The following FGFR1OP2 variants were observed in gnomAD, a reference collection of about 807,000 sequenced individuals.
FGFR1OP2 encodes the protein FGFR1 oncogene partner 2.
A neutral mutation model predicts 35.2 loss-of-function variants in FGFR1OP2; 17 were observed. That is an observed-to-expected ratio of 0.48 (90% CI 0.33 to 0.73). The LOEUF is 0.73. Ranked by LOEUF, FGFR1OP2 falls within the 30% of genes least tolerant of loss-of-function variation. The probability of loss-of-function intolerance (pLI) is 0.02; values close to 1 mark genes in which losing one functional copy is unlikely to be tolerated. For missense variants in FGFR1OP2, 251 were observed against 307.3 expected (o/e 0.82, Z 1.37); for synonymous variants, 105 against 104.6 (o/e 1.00, Z -0.03).
intron 6 of FGFR1OP2, 33 bp downstream of exon 6, chr12:26,963,488 T>A: frequency 7.2e-7 from 1 of 1,394,966 alleles, no homozygotes; most frequent in Non-Finnish European, 1.0e-6. Flanking sequence ...AGATGAAAAC[T>A]GTCCATATAA....
intron 2 of FGFR1OP2, 151 bp downstream of exon 2, chr12:26,954,444 C>T (rs1938987801): frequency 5.4e-6 from 5 of 934,572 alleles, no homozygotes; most frequent in African/African-American, 3.4e-5. Context: ...TTAATTTTGT[C>T]GTGTTCAGGT....
chr12:26,960,825 C>A, intron 5 of FGFR1OP2, 197 bp downstream of exon 5: 1 of 721,612 alleles, frequency 1.4e-6, no homozygotes, highest in Non-Finnish European at 2.0e-6. Context: ...TGTATTGTAT[C>A]ATGTACAGCC....
intron 5 of FGFR1OP2, chr12:26,961,355 C>G (rs930573834): frequency 7.9e-5 from 12 of 152,096 alleles, no homozygotes; most frequent in African/African-American, 2.7e-4. Flanking sequence ...AAAAGTGCTG[C>G]CCTATTTGAA....
At chr12:26,952,103 T>G (rs1286828081) in intron 1 of FGFR1OP2, among the ~76,000 whole-genome samples, 1 of 151,380 alleles carries the variant, frequency 6.6e-6, no homozygotes, top group Non-Finnish European at 1.5e-5. Flanking sequence ...TTTTTTTTTT[T>G]TTTTAATTTT....
chr12:26,944,034 G>T (rs1938781707), intron 1 of FGFR1OP2, among the ~76,000 whole-genome samples: 1 of 151,500 alleles, frequency 6.6e-6, no homozygotes, highest in Non-Finnish European at 1.5e-5. Context: ...GTTTTGTTTT[G>T]TTTTGCTATT....
At chr12:26,943,866 C>G (rs1938778611) in intron 1 of FGFR1OP2, among the ~76,000 whole-genome samples, 1 of 152,106 alleles carries the variant, frequency 6.6e-6, no homozygotes, top group Non-Finnish European at 1.5e-5. Flanking sequence ...TATGTTGAGT[C>G]TTCCAGTCCA....
rs545392099 is a variant in FGFR1OP2 at position 26,949,300 on chromosome 12, T to A, written c.-14-4845T>A. ...ACAGGCTTGCACCACCACGCCCTGC[T>A]AATTTTTTTGTATTTAGTAGAGATG... On this transcript the variant is annotated intron_variant, in intron 1 of 6. Coordinates refer to ENST00000229395, the MANE Select transcript of FGFR1OP2 (RefSeq NM_015633.3). Among the ~76,000 whole-genome samples the A allele has an allele frequency of 1.6e-3, 246 of 152,116 alleles. 1 individual carries two copies. In the Middle Eastern group the frequency reaches 0.017, roughly 11 times the overall value.
At chr12:26,961,372 G>T (rs904890962) in intron 5 of FGFR1OP2, 3 of 152,090 alleles carry the variant, frequency 2.0e-5, no homozygotes, top group Admixed American at 1.3e-4. Context: ...TGAAGTATTG[G>T]GTTTTTTCTC....
chr12:26,960,263 G>C (rs1322819103), intron 4 of FGFR1OP2, among the ~76,000 whole-genome samples: 1 of 152,106 alleles, frequency 6.6e-6, no homozygotes, highest in Non-Finnish European at 1.5e-5. Context: ...ATCCTTTTGA[G>C]ACTGTTATAA....
At chr12:26,944,783 G>A (rs1281225534) in intron 1 of FGFR1OP2, among the ~76,000 whole-genome samples, 1 of 151,988 alleles carries the variant, frequency 6.6e-6, no homozygotes, top group African/African-American at 2.4e-5. Flanking sequence ...ATAATAATTG[G>A]TGTTATTTCT....
chr12:26,956,748 G>A lies in FGFR1OP2; in HGVS notation c.253+88G>A, dbSNP rs1334446248. 8.4e-6 allele frequency: 5 copies of A among 592,844 alleles called. No homozygotes were observed. The East Asian group carries it at 1.6e-4, about 19-fold the overall frequency. The allele number at this position is 592,844 out of a possible 1,614,324, so 36.7% of individuals were successfully genotyped here. ...TTGCTCTTTATCCTGTCCCACATATGAACATCTGCCTGGTTGACATCCTCT... is the reference window on the plus strand; with the variant it reads ...TTGCTCTTTATCCTGTCCCACATATAAACATCTGCCTGGTTGACATCCTCT... On this transcript the variant is annotated intron_variant, in intron 3 of 6. Coordinates refer to ENST00000229395, the MANE Select transcript of FGFR1OP2 (RefSeq NM_015633.3).
intron 1 of FGFR1OP2, among the ~76,000 whole-genome samples, chr12:26,948,865 G>A (rs1279621978): frequency 1.3e-5 from 2 of 152,054 alleles, no homozygotes; most frequent in Non-Finnish European, 2.9e-5. Flanking sequence ...TATTCATAAC[G>A]TAAACATACT....
At chr12:26,953,015 C>T (rs183476348) in intron 1 of FGFR1OP2, among the ~76,000 whole-genome samples, 4 of 152,074 alleles carry the variant, frequency 2.6e-5, no homozygotes, top group East Asian at 1.9e-4. Context: ...GTAATCCCAG[C>T]GCTTTGGGAG....
In FGFR1OP2 at chr12:26,950,515, C is replaced by T. The variant is rs140403447; in HGVS notation, c.-14-3630C>T. ...TGCTGGGATTACAGGCGTGAGCCAC[C>T]GCACCTGCCCTGTATTCATTGTTTT... On this transcript the variant is annotated intron_variant, in intron 1 of 6. Coordinates refer to ENST00000229395, the MANE Select transcript of FGFR1OP2 (RefSeq NM_015633.3). Among the ~76,000 whole-genome samples the T allele has an allele frequency of 3.8e-3, 583 of 152,196 alleles. 4 individuals carry two copies. Among genetic ancestry groups the T allele is most frequent in the African/African-American group, 0.013 (539 of 41,512 alleles).
At chr12:26,941,713 G>A (rs1259530233) in intron 1 of FGFR1OP2, among the ~76,000 whole-genome samples, 1 of 152,174 alleles carries the variant, frequency 6.6e-6, no homozygotes, top group East Asian at 1.9e-4. Context: ...TTGCTAGGCT[G>A]TTATGTCTGG....
Position 26,963,866 on chromosome 12 carries a change from A to C in FGFR1OP2, c.624+411A>C, listed in dbSNP as rs143535730. ...TGTCATCTGTCCTTTATTTTATGACAGTGAAAGTACCAGTCTCTGAATAAC... is the reference window on the plus strand; with the variant it reads ...TGTCATCTGTCCTTTATTTTATGACCGTGAAAGTACCAGTCTCTGAATAAC... On this transcript the variant is annotated intron_variant, in intron 6 of 6. Transcript: ENST00000229395. 1.6e-3 allele frequency among the ~76,000 whole-genome samples: 245 copies of C among 152,218 alleles called. 2 individuals carry two copies. Among genetic ancestry groups the C allele is most frequent in the African/African-American group, 5.7e-3 (235 of 41,554 alleles).
chr12:26,939,726 G>T (rs1193310553), intron 1 of FGFR1OP2, among the ~76,000 whole-genome samples: 1 of 152,128 alleles, frequency 6.6e-6, no homozygotes, highest in Non-Finnish European at 1.5e-5. Context: ...TGTCTCTCCT[G>T]CCAATTTGAA....
intron 4 of FGFR1OP2, among the ~76,000 whole-genome samples, chr12:26,958,374 A>G (rs1274224203): frequency 6.6e-6 from 1 of 152,136 alleles, no homozygotes. Context: ...AAAAACAGAA[A>G]TTTTTTTAAG....
At chr12:26,961,213 G>A (rs949762145) in intron 5 of FGFR1OP2, 4 of 152,174 alleles carry the variant, frequency 2.6e-5, no homozygotes, top group Admixed American at 6.5e-5. Flanking sequence ...CAAGGGTTAT[G>A]TTGGTGACAC....
Sources: allele counts gnomAD v4.1 joint callset (sites outside exome capture counted in the v4.1 genomes callset), GRCh38; gene constraint gnomAD v4.1.1; transcripts MANE v1.5; gene names NCBI Gene and HGNC (gene_info 2026-07-23, HGNC 2026-07-21).